The following SEPTIN9 variants were observed in gnomAD, a reference collection of about 807,000 sequenced individuals.
SEPTIN9 encodes the protein septin-9.
Under a neutral mutation model 56.6 loss-of-function variants are expected in SEPTIN9, and 13 were observed. That is an observed-to-expected ratio of 0.23 (90% CI 0.15 to 0.37). The LOEUF (loss-of-function observed/expected upper bound fraction) is 0.37, where lower values mean the gene tolerates loss of function less well. Among genes scored for constraint, SEPTIN9 ranks in the 10% least tolerant of loss-of-function variants. SEPTIN9 has a pLI of 1.00. For synonymous variants in SEPTIN9, 332 were observed against 334.1 expected (o/e 0.99, Z 0.07); for missense variants, 650 against 823.1 (o/e 0.79, Z 2.57).
At chr17:77,353,206 A>C (rs1339643243) in intron 2 of SEPTIN9, among the ~76,000 whole-genome samples, 1 of 152,126 alleles carries the variant, frequency 6.6e-6, no homozygotes, top group Non-Finnish European at 1.5e-5. Context: ...CCTGCGTGGC[A>C]AGAGGGCTTG....
intron 2 of SEPTIN9, among the ~76,000 whole-genome samples, 152 bp from the exon 3 acceptor site, chr17:77,401,907 C>T (rs888199138): frequency 6.6e-6 from 1 of 152,096 alleles, no homozygotes; most frequent in African/African-American, 2.4e-5. Flanking sequence ...GGGGCTGTCC[C>T]TTCCGCTTGC....
chr17:77,332,466 C>A (rs979715456), intron 2 of SEPTIN9, among the ~76,000 whole-genome samples: 5 of 152,176 alleles, frequency 3.3e-5, no homozygotes, highest in Non-Finnish European at 2.9e-5. Flanking sequence ...CACACAACAT[C>A]CTGTCAACAC....
chr17:77,295,886 A>G (rs565968383), intron 1 of SEPTIN9, among the ~76,000 whole-genome samples: 2 of 151,890 alleles, frequency 1.3e-5, no homozygotes, highest in Non-Finnish European at 2.9e-5. Context: ...GGTCATGAAC[A>G]TGGTTTCCCA....
intron 3 of SEPTIN9, chr17:77,470,926 AC>A (rs1418747567): frequency 1.3e-5 from 2 of 152,226 alleles, no homozygotes; most frequent in African/African-American, 2.4e-5. Flanking sequence ...CAAAGCTAGG[AC>A]CGAGGGAGCC....
At chr17:77,494,253 C>A (rs2040160042) in intron 10 of SEPTIN9, among the ~76,000 whole-genome samples, 1 of 152,234 alleles carries the variant, frequency 6.6e-6, no homozygotes, top group South Asian at 2.1e-4. Context: ...TGGATGGGAG[C>A]CCCTGGGGGG....
At chr17:77,459,668 G>T (rs2038372203) in intron 3 of SEPTIN9, among the ~76,000 whole-genome samples, 1 of 152,068 alleles carries the variant, frequency 6.6e-6, no homozygotes, top group South Asian at 2.1e-4. Flanking sequence ...AGAAGGTGAA[G>T]GGGGAGCTGG....
intron 2 of SEPTIN9, among the ~76,000 whole-genome samples, chr17:77,359,827 A>G (rs1323363506): frequency 7.1e-6 from 1 of 141,232 alleles, no homozygotes; most frequent in Non-Finnish European, 1.6e-5. Flanking sequence ...AAGTTTTAAA[A>G]TGGAAAAAAA....
At chr17:77,438,712 C>T (rs2037442067) in intron 3 of SEPTIN9, among the ~76,000 whole-genome samples, 1 of 152,188 alleles carries the variant, frequency 6.6e-6, no homozygotes, top group African/African-American at 2.4e-5. Flanking sequence ...TCCCTGTAGC[C>T]TAGTGAGGTG....
chr17:77,326,256 G>T lies in SEPTIN9; in HGVS notation c.76+19059G>T, dbSNP rs2033136428. Among the ~76,000 whole-genome samples, 1 of 152,216 alleles carries T rather than the reference G, an allele frequency of 6.6e-6. No homozygotes were observed. Among genetic ancestry groups the T allele is most frequent in the South Asian group, 2.1e-4 (1 of 4,826 alleles). On this transcript the variant is annotated intron_variant, in intron 2 of 11. Coordinates refer to ENST00000427177, the MANE Select transcript of SEPTIN9 (RefSeq NM_001113491.2). The surrounding 1 kb of genome is among the most constrained non-coding windows in gnomAD (Gnocchi z 5.1). The stretch of plus-strand genomic sequence containing the variant: ...ATTGGGTGCTCCCTGTGGACTTGGC[G>T]CTGGGGTCCCGTGGAGGACAAAGCC...
chr17:77,303,528 G>A lies in SEPTIN9; in HGVS notation c.20-3613G>A, dbSNP rs978578838. On this transcript the variant is annotated intron_variant, in intron 1 of 11. Transcript: ENST00000427177. ...TCAGTTCGAGACCAGCCTGGCCAACGTGGTGAAACCCTGTCTCTACCGAAT... is the reference window on the plus strand; with the variant it reads ...TCAGTTCGAGACCAGCCTGGCCAACATGGTGAAACCCTGTCTCTACCGAAT... Among the ~76,000 whole-genome samples, 6 of 151,634 alleles carry A rather than the reference G, an allele frequency of 4.0e-5. No homozygotes were observed. In the South Asian group the frequency reaches 8.4e-4, roughly 21 times the overall value.
At position 77,330,176 on chromosome 17, in the gene SEPTIN9, C is replaced by T. The variant is rs1567997114; in HGVS notation, c.76+22979C>T. Among the ~76,000 whole-genome samples the T allele has an allele frequency of 6.6e-6, 1 of 152,214 alleles. No homozygotes were observed. The highest frequency in any genetic ancestry group is 1.5e-5 in the Non-Finnish European group (1 of 68,032). On this transcript the variant is annotated intron_variant, in intron 2 of 11. Transcript: ENST00000427177. This position sits in a 1 kb window ranked among gnomAD's most constrained non-coding sequence, Gnocchi z 4.4. ...GCTGGGTGTTCCTGATGCTCTGTCC[C>T]CTCTGCGTCCTGTGCCGTGGGTGAG...
intron 2 of SEPTIN9, among the ~76,000 whole-genome samples, chr17:77,353,058 C>CACATTCAT: frequency 6.6e-6 from 1 of 152,294 alleles, no homozygotes; most frequent in South Asian, 2.1e-4. Context: ...CATATAAAGT[C>CACATTCAT]ACATTCATAG....
rs537447717 is a variant in SEPTIN9, at chr17:77,406,448, T to C, written c.721+3745T>C. 1.5e-4 allele frequency among the ~76,000 whole-genome samples: 10 copies of C among 65,158 alleles called. No homozygotes were observed. In the East Asian group the frequency reaches 3.5e-3, roughly 23 times the overall value. The allele number at this position is 65,158 out of a possible 152,430, so 42.7% of individuals were successfully genotyped here. ...ATAAACTTTCTTTCCTCTGCTAGAC[T>C]TTTTTTTTTAAATGTGAAAGTAGTT... is the stretch of plus-strand genomic sequence containing the variant. On this transcript the variant is annotated intron_variant, in intron 3 of 11. Transcript: ENST00000427177.
At chr17:77,482,057 A>ATCCAAGGAT in intron 3 of SEPTIN9, 87 bp from the exon 4 acceptor site, 1 of 1,315,280 alleles carries the variant, frequency 7.6e-7, no homozygotes, top group East Asian at 2.5e-5. Context: ...CAGTTTCCCC[A>ATCCAAGGAT]TCCAAGGATG....
At chr17:77,359,413 A>G (rs1455524231) in intron 2 of SEPTIN9, among the ~76,000 whole-genome samples, 1 of 152,238 alleles carries the variant, frequency 6.6e-6, no homozygotes. Context: ...AGGGGCAAGA[A>G]AAACGTCTTC....
chr17:77,416,162 G>A (rs73375313), intron 3 of SEPTIN9, among the ~76,000 whole-genome samples: 2 of 133,114 alleles, frequency 1.5e-5, no homozygotes, highest in South Asian at 4.5e-4. Flanking sequence ...TTGATTCCTG[G>A]ATTTTTTGGC....
At chr17:77,452,122 G>A (rs1205582783) in intron 3 of SEPTIN9, among the ~76,000 whole-genome samples, 5 of 152,244 alleles carry the variant, frequency 3.3e-5, no homozygotes, top group African/African-American at 9.6e-5. Flanking sequence ...GTTCCTGGGA[G>A]GAGCGGGGAG....
chr17:77,309,995 T>C (rs993286767), intron 2 of SEPTIN9, among the ~76,000 whole-genome samples: 1 of 151,840 alleles, frequency 6.6e-6, no homozygotes, highest in Non-Finnish European at 1.5e-5. Context: ...TTTTTTTTTT[T>C]TGAGATAGAG....
Position 77,294,173 on chromosome 17 carries a change from C to T in SEPTIN9, c.19+12619C>T, listed in dbSNP as rs531550867. Among the ~76,000 whole-genome samples, 7 of 150,836 alleles carry T rather than the reference C, an allele frequency of 4.6e-5. No homozygotes were observed. In the South Asian group the frequency reaches 1.5e-3, roughly 32 times the overall value. On this transcript the variant is annotated intron_variant, in intron 1 of 11. Transcript: ENST00000427177. ...GTGGCTCACGCCTGTAATTCCAGCA[C>T]TGTGGGAGGTTGAGATGGGCGGATC...
Sources: gnomAD v4.1 joint callset for allele counts (sites outside exome capture counted in the v4.1 genomes callset) on GRCh38, gnomAD v4.1.1 for gene constraint, Gnocchi (gnomAD v3.1) non-coding constraint, MANE v1.5 for transcripts, NCBI Gene and HGNC (gene_info 2026-07-23, HGNC 2026-07-21) for gene names.